PRKG2: variants seen among roughly 807,000 people sequenced by gnomAD.
PRKG2 encodes protein kinase cGMP-dependent 2, also known as cGMP-dependent protein kinase 2.
PRKG2 carries 33 observed loss-of-function variants against 97.2 expected under a neutral mutation model. The observed-to-expected ratio is 0.34, with a 90% CI of 0.26 to 0.45. The LOEUF is 0.45. PRKG2 is among the 20% of genes least tolerant of loss of function. The pLI is 1.00. For missense variants in PRKG2, 638 were observed against 900.0 expected (o/e 0.71, Z 3.73); for synonymous variants, 330 against 321.8 (o/e 1.03, Z -0.27).
intron 14 of PRKG2, among the ~76,000 whole-genome samples, chr4:81,122,839 T>G (rs372552438): frequency 6.6e-5 from 10 of 152,192 alleles, no homozygotes; most frequent in Non-Finnish European, 1.5e-4. Flanking sequence ...ATCACCCAGA[T>G]GGAAGTCCTG....
At chr4:81,205,186 T>C (rs1403676687) in intron 1 of PRKG2, 126 bp from the exon 2 acceptor site, 8 of 614,994 alleles carry the variant, frequency 1.3e-5, no homozygotes, top group Admixed American at 3.6e-5. Context: ...TGAAAAGCAA[T>C]AAACTTCCCG....
intron 4 of PRKG2, among the ~76,000 whole-genome samples, chr4:81,169,969 T>C (rs1404349346): frequency 6.6e-6 from 1 of 152,078 alleles, no homozygotes; most frequent in Non-Finnish European, 1.5e-5. Flanking sequence ...AATACACTAT[T>C]ATTTGGAAAT....
intron 1 of PRKG2, among the ~76,000 whole-genome samples, chr4:81,210,838 G>A (rs887865607): frequency 2.0e-5 from 3 of 152,004 alleles, no homozygotes; most frequent in African/African-American, 7.2e-5. Context: ...AACAAACTGT[G>A]GCACATCCAT....
intron 17 of PRKG2, among the ~76,000 whole-genome samples, chr4:81,102,506 C>A (rs900852562): frequency 6.6e-6 from 1 of 152,064 alleles, no homozygotes; most frequent in Admixed American, 6.6e-5. Context: ...CAGCATGGAG[C>A]GCTGGAAGAA....
At chr4:81,163,369 G>A (rs1277616722) in intron 6 of PRKG2, among the ~76,000 whole-genome samples, 1 of 152,106 alleles carries the variant, frequency 6.6e-6, no homozygotes, top group Non-Finnish European at 1.5e-5. Context: ...GTGTCCCTTA[G>A]AGGACCAAGA....
Position 81,182,622 on chromosome 4 carries a change from A to C in PRKG2, c.462-7663T>G, listed in dbSNP as rs182227920. 7.6e-3 allele frequency among the ~76,000 whole-genome samples: 1,163 copies of C among 152,194 alleles called. 20 individuals are homozygous for C. The highest frequency in any genetic ancestry group is 0.027 in the African/African-American group (1,103 of 41,566). On this transcript the variant is annotated intron_variant, in intron 2 of 18. Transcript: ENST00000264399. ...GAAAAAAGTAAACTGTATTCTTTCCAAAAGATATGATTATGTATGTGAAAA... is the reference window on the plus strand; with the variant it reads ...GAAAAAAGTAAACTGTATTCTTTCCCAAAGATATGATTATGTATGTGAAAA...
chr4:81,132,806 T>C (rs555728460), intron 14 of PRKG2, among the ~76,000 whole-genome samples: 5 of 152,350 alleles, frequency 3.3e-5, no homozygotes, highest in African/African-American at 1.2e-4. Flanking sequence ...GTTAGATCTT[T>C]TTTGAGTTTC....
intron 14 of PRKG2, among the ~76,000 whole-genome samples, chr4:81,122,440 A>G (rs1745150511): frequency 6.6e-6 from 1 of 152,160 alleles, no homozygotes; most frequent in Admixed American, 6.6e-5. Context: ...GGTGAGATTC[A>G]TTTTGGAAAA....
chr4:81,152,099 A>G, intron 7 of PRKG2, 45 bp from the exon 8 acceptor site: 1 of 1,444,510 alleles, frequency 6.9e-7, no homozygotes, highest in South Asian at 1.2e-5. Context: ...CTGAAGAAAA[A>G]GGAGAATCTG....
intron 14 of PRKG2, among the ~76,000 whole-genome samples, chr4:81,122,840 G>A (rs996265352): frequency 6.6e-6 from 1 of 152,192 alleles, no homozygotes; most frequent in African/African-American, 2.4e-5. Flanking sequence ...TCACCCAGAT[G>A]GAAGTCCTGT....
intron 2 of PRKG2, among the ~76,000 whole-genome samples, chr4:81,188,016 A>T (rs923366875): frequency 2.6e-5 from 4 of 152,236 alleles, no homozygotes; most frequent in African/African-American, 9.6e-5. Context: ...GCCAAAATTG[A>T]TAAATGGGAT....
At chr4:81,174,131 G>A (rs924456051) in intron 3 of PRKG2, among the ~76,000 whole-genome samples, 2 of 151,930 alleles carry the variant, frequency 1.3e-5, no homozygotes, top group African/African-American at 2.4e-5. Flanking sequence ...TTCCCAACTT[G>A]TAAGCATGTT....
chr4:81,148,450 C>T (rs1040460078), intron 9 of PRKG2, among the ~76,000 whole-genome samples: 9 of 152,048 alleles, frequency 5.9e-5, no homozygotes, highest in African/African-American at 2.2e-4. Context: ...TCAATTAAAG[C>T]CACTCTGGAA....
In PRKG2 at chr4:81,173,592, T is replaced by C. The variant is rs140292508; in HGVS notation, c.628+1201A>G. 9.9e-4 allele frequency among the ~76,000 whole-genome samples: 150 copies of C among 152,250 alleles called. 1 individual carries two copies. The highest frequency in any genetic ancestry group is 1.5e-3 in the Non-Finnish European group (102 of 67,976). ...CTAAATTAAGACTATAACTCATTAA[T>C]TAAGTAGAATGATTCCTTGGGAATG... On this transcript the variant is annotated intron_variant, in intron 3 of 18. Coordinates refer to ENST00000264399, the MANE Select transcript of PRKG2 (RefSeq NM_006259.3).
chr4:81,159,579 T>A (rs1461918412), intron 6 of PRKG2, among the ~76,000 whole-genome samples: 2 of 152,076 alleles, frequency 1.3e-5, no homozygotes, highest in Non-Finnish European at 1.5e-5. Flanking sequence ...GAACTAGAAA[T>A]ACCATTTGAC....
At chr4:81,123,192 T>G (rs1028452841) in intron 14 of PRKG2, among the ~76,000 whole-genome samples, 2 of 152,262 alleles carry the variant, frequency 1.3e-5, no homozygotes, top group Admixed American at 6.5e-5. Flanking sequence ...TCATATGTCC[T>G]TATCTGCCAA....
intron 12 of PRKG2, among the ~76,000 whole-genome samples, chr4:81,138,011 G>A (rs1222426239): frequency 1.3e-5 from 2 of 152,192 alleles, no homozygotes; most frequent in East Asian, 1.9e-4. Context: ...AACAACACCT[G>A]TGGGGAAGGG....
At chr4:81,217,410 G>A (rs1055842332), upstream of PRKG2, among the ~76,000 whole-genome samples, 2 of 152,144 alleles carry the variant, frequency 1.3e-5, no homozygotes, top group Admixed American at 6.5e-5. Flanking sequence ...AAGAGTTTGA[G>A]GGGGAACCTA....
intron 1 of PRKG2, among the ~76,000 whole-genome samples, chr4:81,207,377 G>A (rs572136040): frequency 1.6e-4 from 25 of 152,224 alleles, no homozygotes; most frequent in South Asian, 1.5e-3. Context: ...AAAAAAGCAC[G>A]CATAAAAACT....
Sources: allele counts gnomAD v4.1 joint callset (sites outside exome capture counted in the v4.1 genomes callset), GRCh38; gene constraint gnomAD v4.1.1; transcripts MANE v1.5; gene names NCBI Gene and HGNC (gene_info 2026-07-23, HGNC 2026-07-21).